The following COL27A1 variants were observed in gnomAD, a reference collection of about 807,000 sequenced individuals.
The protein encoded by COL27A1 is collagen alpha-1(XXVII) chain.
COL27A1 carries 106 observed loss-of-function variants against 251.3 expected under a neutral mutation model. The ratio of observed to expected loss-of-function variants is 0.42; its 90% CI spans 0.36 to 0.50. The LOEUF (loss-of-function observed/expected upper bound fraction) is 0.50, where lower values mean the gene tolerates loss of function less well. COL27A1 is among the 20% of genes least tolerant of loss of function. The pLI, the probability that COL27A1 is intolerant of heterozygous loss-of-function variation, is 0.00. For synonymous variants in COL27A1, 1,000 were observed against 986.3 expected (o/e 1.01, Z -0.26); for missense variants, 2,325 against 2,522.8 (o/e 0.92, Z 1.68).
intron 14 of COL27A1, among the ~76,000 whole-genome samples, chr9:114,224,981 C>A (rs1831370578): frequency 6.6e-6 from 1 of 152,152 alleles, no homozygotes; most frequent in Admixed American, 6.5e-5. Context: ...CTGCACTCCA[C>A]TGTTAAGGTT....
intron 37 of COL27A1, among the ~76,000 whole-genome samples, chr9:114,278,210 CGAT>C (rs1281074388): frequency 1.5e-4 from 22 of 144,422 alleles, no homozygotes; most frequent in African/African-American, 5.4e-4. Context: ...GTGGTAATGA[CGAT>C]AATAATGATG....
At chr9:114,245,062 A>G (rs1833018712) in intron 23 of COL27A1, among the ~76,000 whole-genome samples, 1 of 149,684 alleles carries the variant, frequency 6.7e-6, no homozygotes, top group Non-Finnish European at 1.5e-5. Context: ...TAGTGTGTTG[A>G]GGTCTAGGAC....
At position 114,166,449 on chromosome 9, in the gene COL27A1, A is replaced by T. The variant is rs60723944; in HGVS notation, c.134-1240A>T. Among the ~76,000 whole-genome samples the T allele has an allele frequency of 1.4e-3, 205 of 150,686 alleles. 2 individuals are homozygous for T. In the South Asian group the frequency reaches 0.025, roughly 18 times the overall value. ...CATCCATCCATCCATTCATCTATCC[A>T]TCCATCCATCCATCCATCCATCCAT... On this transcript the variant is annotated intron_variant, in intron 2 of 60. Coordinates refer to ENST00000356083, the MANE Select transcript of COL27A1 (RefSeq NM_032888.4).
intron 7 of COL27A1, among the ~76,000 whole-genome samples, chr9:114,204,298 C>A (rs1277111137): frequency 6.6e-6 from 1 of 152,204 alleles, no homozygotes; most frequent in African/African-American, 2.4e-5. Context: ...TGTGGCTACC[C>A]TGTGCACAAT....
intron 26 of COL27A1, 85 bp downstream of exon 26, chr9:114,252,731 C>T (rs555248565): frequency 7.0e-7 from 1 of 1,429,202 alleles, no homozygotes; most frequent in East Asian, 2.3e-5. Flanking sequence ...CCGCTTACCC[C>T]AGACGTTCAG....
At chr9:114,300,482 T>G in intron 50 of COL27A1, 143 bp from the exon 51 acceptor site, 1 of 603,164 alleles carries the variant, frequency 1.7e-6, no homozygotes, top group Non-Finnish European at 2.9e-6. Flanking sequence ...TGTAGGTGTT[T>G]CTTACTCCTT....
chr9:114,302,145 A>G (rs771228466), intron 56 of COL27A1, 37 bp downstream of exon 56: 17 of 1,579,398 alleles, frequency 1.1e-5, no homozygotes, highest in Non-Finnish European at 1.5e-5. Context: ...TACTTGGGGT[A>G]AGGCCTGAGG....
chr9:114,228,441 A>G (rs1194504147), intron 14 of COL27A1, among the ~76,000 whole-genome samples: 1 of 152,238 alleles, frequency 6.6e-6, no homozygotes, highest in African/African-American at 2.4e-5. Flanking sequence ...AGCAGCAGCC[A>G]GAGGGGCCTG....
intron 21 of COL27A1, among the ~76,000 whole-genome samples, chr9:114,241,065 ATTAG>A (rs1315085524): frequency 6.6e-6 from 1 of 152,214 alleles, no homozygotes; most frequent in Non-Finnish European, 1.5e-5. Context: ...GACTTGCACA[ATTAG>A]TTAGTGGCAG....
rs2135703148 is a variant in COL27A1 at position 114,282,506 on chromosome 9, A to T, written c.3821A>T (p.Asp1274Val). 7 of 1,579,796 alleles carry T rather than the reference A, an allele frequency of 4.4e-6. No homozygotes were observed. The highest frequency in any genetic ancestry group is 6.0e-6 in the Non-Finnish European group (7 of 1,164,506). Reference protein sequence around the residue: ...GQLGEMGVPGDPGPPGTPGPK... With the variant: ...GQLGEMGVPGVPGPPGTPGPK... Reference sequence around the variant, plus strand: ...CTGGGTGAGATGGGCGTCCCTGGAGACCCTGGACCCCCTGGCACTCCAGGC... The same window carrying T: ...CTGGGTGAGATGGGCGTCCCTGGAGTCCCTGGACCCCCTGGCACTCCAGGC... The change falls in exon 39 of 61, where the codon GAC becomes GTC. Residue 1274 changes from aspartate (D) to valine (V), a missense_variant. By Grantham distance (152) the Asp-to-Val change is radical. This residue lies in a region of COL27A1 where 662 missense variants were observed against 795.3 expected (regional missense o/e 0.83). Transcript: ENST00000356083.
chr9:114,267,679 C>A (rs1285917537), intron 34 of COL27A1, 122 bp downstream of exon 34: 1 of 941,252 alleles, frequency 1.1e-6, no homozygotes, highest in Non-Finnish European at 1.6e-6. Flanking sequence ...GTTCTCTGTG[C>A]TCCTGGCTGG....
At chr9:114,297,037 C>T (rs1434601188) in intron 49 of COL27A1, among the ~76,000 whole-genome samples, 1 of 151,990 alleles carries the variant, frequency 6.6e-6, no homozygotes, top group African/African-American at 2.4e-5. Flanking sequence ...ATCAATGGCT[C>T]CTGGAGATGG....
rs1467158963 is a variant in COL27A1, at chr9:114,284,714, T to C, written c.3934-10T>C. On this transcript the variant is annotated splice_polypyrimidine_tract_variant and intron_variant, in intron 40 of 60. Coordinates refer to ENST00000356083, the MANE Select transcript of COL27A1 (RefSeq NM_032888.4). ...TCATTCTCACTTCCCTCCTTCTTGT[T>C]TGCCTGCAGGGACACAAAGGCATTG... The C allele has an allele frequency of 6.2e-7, 1 of 1,614,078 alleles. No homozygotes were observed. The highest frequency in any genetic ancestry group is 8.5e-7 in the Non-Finnish European group (1 of 1,179,924).
chr9:114,269,033 C>T (rs545289035), intron 34 of COL27A1: 18 of 520,574 alleles, frequency 3.5e-5, no homozygotes, highest in Middle Eastern at 4.9e-4. Flanking sequence ...CCTGTCCTGG[C>T]GTGGGAGAAG....
intron 28 of COL27A1, among the ~76,000 whole-genome samples, chr9:114,263,951 C>G (rs1005322752): frequency 6.6e-6 from 1 of 152,214 alleles, no homozygotes; most frequent in South Asian, 2.1e-4. Flanking sequence ...GTTTCTGCCC[C>G]GTGTGTGCTC....
intron 27 of COL27A1, 57 bp from the exon 28 acceptor site, chr9:114,258,484 C>A: frequency 6.5e-7 from 1 of 1,529,102 alleles, no homozygotes; most frequent in South Asian, 1.2e-5. Context: ...CCCAGCCCCC[C>A]GTGTTGCTCT....
intron 34 of COL27A1, 62 bp downstream of exon 34, chr9:114,267,619 C>T: frequency 1.4e-6 from 2 of 1,427,256 alleles, no homozygotes; most frequent in East Asian, 4.9e-5. Flanking sequence ...ATGGTGGCCA[C>T]ATCCTCTCCA....
At position 114,195,068 on chromosome 9, in the gene COL27A1, C is replaced by T. The variant is rs372197704; in HGVS notation, c.2070+611C>T. Reference sequence around the variant, plus strand: ...CAGATGGGAAGAGGGGAGCCCAGAACTCCAAATGAGATTGTCCAGTGTGTC... The same window carrying T: ...CAGATGGGAAGAGGGGAGCCCAGAATTCCAAATGAGATTGTCCAGTGTGTC... On this transcript the variant is annotated intron_variant, in intron 6 of 60. Transcript: ENST00000356083. 7.9e-5 allele frequency among the ~76,000 whole-genome samples: 12 copies of T among 152,286 alleles called. No individual in the cohort carries two copies. In the East Asian group the frequency reaches 1.7e-3, roughly 22 times the overall value.
At chr9:114,235,092 A>AAAG (rs1554810341) in intron 16 of COL27A1, among the ~76,000 whole-genome samples, 3 of 151,284 alleles carry the variant, frequency 2.0e-5, no homozygotes, top group African/African-American at 7.3e-5. Context: ...AAAAAAAAAA[A>AAAG]AAAAAAATAG....
Sources: allele counts gnomAD v4.1 joint callset (sites outside exome capture counted in the v4.1 genomes callset), GRCh38; gene constraint gnomAD v4.1.1; regional missense constraint gnomAD v4.1.1; transcripts MANE v1.5; gene names NCBI Gene and HGNC (gene_info 2026-07-23, HGNC 2026-07-21).